The following TMEM117 variants were observed in gnomAD, a reference collection of about 807,000 sequenced individuals.
TMEM117 encodes transmembrane protein 117.
A neutral mutation model predicts 52.4 loss-of-function variants in TMEM117; 27 were observed. That is an observed-to-expected ratio of 0.51 (90% confidence interval 0.38 to 0.71). The LOEUF (loss-of-function observed/expected upper bound fraction) is 0.71. Ranked by LOEUF, TMEM117 falls within the 30% of genes least tolerant of loss-of-function variation. The pLI is 0.00. For missense variants in TMEM117, 556 were observed against 630.5 expected, an observed-to-expected ratio of 0.88 and a Z score of 1.26; for synonymous variants, 215 against 206.3, an observed-to-expected ratio of 1.04 and a Z score of -0.36.
intron 3 of TMEM117, among the ~76,000 whole-genome samples, chr12:44,137,820 T>G (rs1948514290): frequency 6.6e-6 from 1 of 152,138 alleles, no homozygotes; most frequent in Non-Finnish European, 1.5e-5. Context: ...ATTGTGGAAG[T>G]TACAATCCAA....
intron 2 of TMEM117, among the ~76,000 whole-genome samples, chr12:43,884,872 A>G (rs1413378702): frequency 3.3e-5 from 5 of 152,114 alleles, no homozygotes; most frequent in Admixed American, 2.6e-4. Context: ...GTACTGCACA[A>G]AGCTCTCTTC....
At chr12:44,317,755 G>A (rs1951076154) in intron 6 of TMEM117, among the ~76,000 whole-genome samples, 1 of 152,158 alleles carries the variant, frequency 6.6e-6, no homozygotes, top group South Asian at 2.1e-4. Context: ...GTAAAAGTCA[G>A]CTCTGGCCAA....
At chr12:43,937,614 A>G (rs904185981) in intron 2 of TMEM117, among the ~76,000 whole-genome samples, 1 of 152,162 alleles carries the variant, frequency 6.6e-6, no homozygotes, top group Non-Finnish European at 1.5e-5. Flanking sequence ...ATGGGGAGAA[A>G]GTTGGGGAGG....
At chr12:44,162,687 C>G (rs556698548) in intron 4 of TMEM117, among the ~76,000 whole-genome samples, 1 of 152,234 alleles carries the variant, frequency 6.6e-6, no homozygotes, top group Admixed American at 6.5e-5. Flanking sequence ...AGTTATGAGA[C>G]TGAATGAATA....
At chr12:44,391,727 G>A (rs1227319609), downstream of TMEM117, among the ~76,000 whole-genome samples, 1 of 152,116 alleles carries the variant, frequency 6.6e-6, no homozygotes, top group Non-Finnish European at 1.5e-5. Flanking sequence ...TAATTCAGGA[G>A]GCCAACTGGA....
intron 2 of TMEM117, among the ~76,000 whole-genome samples, chr12:43,865,067 G>A (rs1475991931): frequency 1.3e-5 from 2 of 152,086 alleles, no homozygotes; most frequent in Non-Finnish European, 2.9e-5. Flanking sequence ...AAAAAGCTCC[G>A]AACACATCCG....
intron 4 of TMEM117, among the ~76,000 whole-genome samples, chr12:44,175,562 C>T (rs575096535): frequency 7.9e-5 from 12 of 152,144 alleles, no homozygotes; most frequent in Non-Finnish European, 1.5e-4. Context: ...CATATTCAAA[C>T]GTCTTTTGCC....
chr12:44,045,448 G>A (rs1482063347), intron 3 of TMEM117, among the ~76,000 whole-genome samples: 6 of 152,192 alleles, frequency 3.9e-5, no homozygotes, highest in Admixed American at 1.3e-4. Context: ...TGCATGCAAT[G>A]CTCCAAGACT....
At chr12:44,080,087 C>G (rs942089964) in intron 3 of TMEM117, among the ~76,000 whole-genome samples, 1 of 150,936 alleles carries the variant, frequency 6.6e-6, no homozygotes, top group African/African-American at 2.4e-5. Context: ...ATAGTTCTGT[C>G]CAGAGTACCA....
At chr12:44,133,865 C>T (rs1157624709) in intron 3 of TMEM117, among the ~76,000 whole-genome samples, 1 of 152,106 alleles carries the variant, frequency 6.6e-6, no homozygotes, top group Non-Finnish European at 1.5e-5. Flanking sequence ...CTCCCAAACT[C>T]CTGTGTTGCT....
chr12:44,136,680 T>C, intron 3 of TMEM117, among the ~76,000 whole-genome samples: 1 of 152,160 alleles, frequency 6.6e-6, no homozygotes, highest in Admixed American at 6.5e-5. Context: ...ATTTAAAAAA[T>C]ACTTTAATAT....
At chr12:44,063,423 A>T (rs55657021) in intron 3 of TMEM117, among the ~76,000 whole-genome samples, 1 of 151,888 alleles carries the variant, frequency 6.6e-6, no homozygotes, top group Non-Finnish European at 1.5e-5. Flanking sequence ...GAAAGTTCCT[A>T]TGTGGTTAAA....
intron 2 of TMEM117, among the ~76,000 whole-genome samples, chr12:43,888,452 T>C (rs1465729438): frequency 6.6e-6 from 1 of 152,138 alleles, no homozygotes; most frequent in Admixed American, 6.5e-5. Context: ...GGAAAAGCAA[T>C]TGTGAACTCA....
chr12:44,114,097 G>A (rs1029981796), intron 3 of TMEM117, among the ~76,000 whole-genome samples: 23 of 148,908 alleles, frequency 1.5e-4, no homozygotes, highest in Non-Finnish European at 3.3e-4. Context: ...ACTGGCCTGC[G>A]CCCACTGTCT....
chr12:44,199,764 A>G (rs143838159), intron 4 of TMEM117, among the ~76,000 whole-genome samples: 1 of 152,302 alleles, frequency 6.6e-6, no homozygotes, highest in East Asian at 1.9e-4. Flanking sequence ...ATGTGGGACT[A>G]TGGTATTACT....
At chr12:44,391,259 T>A (rs1033435165), downstream of TMEM117, among the ~76,000 whole-genome samples, 14 of 152,156 alleles carry the variant, frequency 9.2e-5, no homozygotes, top group African/African-American at 3.4e-4. Context: ...AATTTGTGCC[T>A]GATAATATAC....
intron 3 of TMEM117, among the ~76,000 whole-genome samples, chr12:43,948,506 C>T (rs993327112): frequency 4.6e-5 from 7 of 152,110 alleles, no homozygotes; most frequent in East Asian, 1.9e-4. Context: ...GGGGTTTCAC[C>T]GTATTAGCCA....
chr12:44,053,157 C>T (rs1947001556), intron 3 of TMEM117, among the ~76,000 whole-genome samples: 1 of 152,140 alleles, frequency 6.6e-6, no homozygotes, highest in East Asian at 1.9e-4. Flanking sequence ...ACTTGCCTTC[C>T]CTTCAGATGC....
intron 1 of TMEM117, among the ~76,000 whole-genome samples, chr12:43,837,463 C>G (rs940150003): frequency 6.6e-6 from 1 of 152,078 alleles, no homozygotes; most frequent in South Asian, 2.1e-4. Context: ...TCTCCTGCCT[C>G]GGCCTCCTGA....
Sources: allele counts gnomAD v4.1 joint callset (sites outside exome capture counted in the v4.1 genomes callset), GRCh38; gene constraint gnomAD v4.1.1; transcripts MANE v1.5; gene names NCBI Gene and HGNC (gene_info 2026-07-23, HGNC 2026-07-21).